Variants in NUDC observed in about 807,000 individuals in gnomAD.
NUDC encodes nuclear migration protein nudC.
A neutral mutation model predicts 45.0 loss-of-function variants in NUDC; 14 were observed. That is an observed-to-expected ratio of 0.31 (90% confidence interval 0.21 to 0.49). The LOEUF (loss-of-function observed/expected upper bound fraction) is 0.49. Among genes scored for constraint, NUDC ranks in the 20% least tolerant of loss-of-function variants. The pLI is 0.99. For synonymous variants in NUDC, 153 were observed against 156.7 expected, an observed-to-expected ratio of 0.98 and a Z score of 0.17; for missense variants, 323 against 426.2, an observed-to-expected ratio of 0.76 and a Z score of 2.13.
chr1:26,937,255 C>T (rs367891210), intron 2 of NUDC, among the ~76,000 whole-genome samples: 163 of 152,266 alleles, frequency 1.1e-3, no homozygotes, highest in African/African-American at 3.6e-3. Context: ...AAACTCCAAA[C>T]CCCATTGTTT....
At chr1:26,943,906 CTTGCT>C (rs1320378943) in intron 6 of NUDC, among the ~76,000 whole-genome samples, 2 of 152,180 alleles carry the variant, frequency 1.3e-5, no homozygotes, top group African/African-American at 2.4e-5. Flanking sequence ...TGCCTCTGCA[CTTGCT>C]TTGTCGCCCA....
At chr1:26,915,054 C>CATATATATATATATATATAT (rs1476735799) in intron 3 of NUDC, among the ~76,000 whole-genome samples, 1 of 132,744 alleles carries the variant, frequency 7.5e-6, no homozygotes, top group African/African-American at 2.8e-5. Context: ...CACATACATA[C>CATATATATATATATATATAT]ATACATATAT....
At chr1:26,928,424 A>G (rs996533450) in intron 2 of NUDC, among the ~76,000 whole-genome samples, 3 of 152,234 alleles carry the variant, frequency 2.0e-5, no homozygotes, top group Non-Finnish European at 4.4e-5. Flanking sequence ...AGATGCTGAA[A>G]CTTTGTAAAT....
intron 3 of NUDC, among the ~76,000 whole-genome samples, chr1:26,914,131 T>C (rs756661972): frequency 6.6e-6 from 1 of 151,996 alleles, no homozygotes; most frequent in Non-Finnish European, 1.5e-5. Context: ...GGAGGGGGCA[T>C]TGGGAACCCC....
chr1:26,921,641 G>C, upstream of NUDC: 1 of 599,730 alleles, frequency 1.7e-6, no homozygotes, highest in South Asian at 2.0e-5. Context: ...GAAGCGGGTT[G>C]CTTGCCGCAC....
At chr1:26,943,581 T>G (rs1156839960) in intron 6 of NUDC, among the ~76,000 whole-genome samples, 2 of 152,222 alleles carry the variant, frequency 1.3e-5, no homozygotes, top group Non-Finnish European at 2.9e-5. Context: ...TCTTAGTTTC[T>G]AAAGCCACTT....
upstream of NUDC, among the ~76,000 whole-genome samples, chr1:26,921,178 A>T (rs2082088560): frequency 6.6e-6 from 1 of 152,194 alleles, no homozygotes. Context: ...GGCCCAGTGC[A>T]AAATGAAAAT....
chr1:26,900,295 G>A (rs2081969927), exon 1 of NUDC: 2 of 1,613,964 alleles, frequency 1.2e-6, no homozygotes, highest in East Asian at 2.2e-5. Flanking sequence ...GGCCGATGCC[G>A]GTAGTGGAAA....
chr1:26,941,523 C>G lies in NUDC; in HGVS notation c.226C>G (p.Arg76Gly), dbSNP rs769394137. The G allele has an allele frequency of 6.2e-7, 1 of 1,613,978 alleles. No homozygotes were observed. Among genetic ancestry groups the G allele is most frequent in the South Asian group, 1.1e-5 (1 of 91,044 alleles). The change falls in exon 3 of 9, where the codon CGG (arginine) becomes GGG (glycine). Residue 76 changes from arginine (R) to glycine (G), a missense_variant. Physicochemically the swap from Arg to Gly is moderately radical, Grantham distance 125. This residue lies in a region of NUDC where 245 missense variants were observed against 278.8 expected (regional missense o/e 0.88). Transcript: ENST00000321265. ...AQKTRREKRA[R>G]QEAERREKAE... ...GAAGACCCGGCGGGAGAAGAGAGCC[C>G]GGCAGGAGGCCGAGCGGCGGGAGAA... is the stretch of plus-strand genomic sequence containing the variant.
At chr1:26,944,086 G>C (rs963152677) in intron 6 of NUDC, among the ~76,000 whole-genome samples, 2 of 151,942 alleles carry the variant, frequency 1.3e-5, no homozygotes, top group African/African-American at 4.8e-5. Context: ...AGTAGAGACA[G>C]GGTTTCACCG....
rs148210308 is a variant in NUDC, at chr1:26,941,565, A to G, written c.268A>G (p.Arg90Gly). The G allele has an allele frequency of 3.0e-5, 49 of 1,611,416 alleles. No individual in the cohort carries two copies. The highest frequency in any genetic ancestry group is 3.4e-5 in the Admixed American group (2 of 59,456). Residue 90 changes from arginine (R) to glycine (G), a missense_variant, in exon 3 of 9, where the codon AGA becomes GGA. By Grantham distance (125) the Arg-to-Gly change is moderately radical (BLOSUM62 -2). Transcript: ENST00000321265. The part of the protein sequence containing the change: ...ERREKAERAA[R>G]LAKEAKSETS... ...GCGGGAGAAGGCGGAGCGGGCGGCC[A>G]GACTGGCCAAGGAAGCCAAGTCAGA...
At chr1:26,914,965 T>C (rs2082053435) in intron 3 of NUDC, among the ~76,000 whole-genome samples, 1 of 145,910 alleles carries the variant, frequency 6.9e-6, no homozygotes. Flanking sequence ...AGATCCTGTC[T>C]CAAAAAAATA....
In NUDC at chr1:26,921,745, G is replaced by A. The variant is rs1244995760; in HGVS notation, c.-104G>A. The A allele has an allele frequency of 3.2e-6, 4 of 1,266,818 alleles. No individual in the cohort carries two copies. In the African/African-American group the frequency reaches 4.5e-5, roughly 14 times the overall value. 78.5% of individuals were successfully genotyped at this position (1,266,818 alleles called of 1,614,324 possible). A position where few individuals can be genotyped will look rare whatever the true frequency, so the allele number is the denominator to read the frequency against. The stretch of plus-strand genomic sequence containing the variant: ...GCGTGCGTGTTTCCGGCTCCGCTGC[G>A]GAAGGCGGACGACTAGAGTCGTTGG... On this transcript the variant is annotated 5_prime_UTR_variant, in exon 1 of 9. Coordinates refer to ENST00000321265, the MANE Select transcript of NUDC (RefSeq NM_006600.4).
intron 1 of NUDC, chr1:26,900,600 T>C (rs781458910): frequency 9.3e-5 from 60 of 646,298 alleles, no homozygotes; most frequent in Non-Finnish European, 1.5e-4. Context: ...TCTGTGTTCC[T>C]TTCCCACAGA....
chr1:26,902,777 A>C (rs2081986019), intron 2 of NUDC, among the ~76,000 whole-genome samples: 1 of 151,860 alleles, frequency 6.6e-6, no homozygotes, highest in African/African-American at 2.4e-5. Context: ...GGCTGGGCGC[A>C]GTGGCTAATG....
At chr1:26,912,463 A>T (rs1200682991) in intron 3 of NUDC, among the ~76,000 whole-genome samples, 1 of 152,188 alleles carries the variant, frequency 6.6e-6, no homozygotes, top group Non-Finnish European at 1.5e-5. Flanking sequence ...TATGAGATTT[A>T]AATGAACTAG....
intron 3 of NUDC, chr1:26,913,317 G>T: frequency 8.9e-7 from 1 of 1,128,880 alleles, no homozygotes; most frequent in Non-Finnish European, 1.4e-6. Flanking sequence ...AGGACCCAAT[G>T]AGATAACAGA....
At chr1:26,939,792 C>G (rs1484285263) in intron 2 of NUDC, among the ~76,000 whole-genome samples, 2 of 152,150 alleles carry the variant, frequency 1.3e-5, no homozygotes, top group African/African-American at 4.8e-5. Context: ...TGGAGTGGGG[C>G]TTAAGATTTA....
At chr1:26,927,289 G>GTGTGTT in intron 2 of NUDC, among the ~76,000 whole-genome samples, 1 of 150,274 alleles carries the variant, frequency 6.7e-6, no homozygotes, top group East Asian at 2.0e-4. Context: ...GTGTGTGTGT[G>GTGTGTT]TGTGTGTGTG....
Sources: gnomAD v4.1 joint callset for allele counts (sites outside exome capture counted in the v4.1 genomes callset) on GRCh38, gnomAD v4.1.1 for gene constraint, gnomAD v4.1.1 regional missense constraint, MANE v1.5 for transcripts, NCBI Gene and HGNC (gene_info 2026-07-23, HGNC 2026-07-21) for gene names.